The following TMEM132B variants were observed in gnomAD, a reference collection of about 807,000 sequenced individuals.
TMEM132B encodes the protein transmembrane protein 132B.
TMEM132B carries 18 observed loss-of-function variants against 90.8 expected under a neutral mutation model. The observed-to-expected ratio is 0.20, with a 90% CI of 0.14 to 0.29. The LOEUF is 0.29. Among genes scored for constraint, TMEM132B ranks in the 10% least tolerant of loss-of-function variants. The probability of loss-of-function intolerance (pLI) is 1.00; values close to 1 mark genes in which losing one functional copy is unlikely to be tolerated. For missense variants in TMEM132B, 1,096 were observed against 1,326.8 expected (o/e 0.83, Z 2.70); for synonymous variants, 504 against 523.3 (o/e 0.96, Z 0.50).
intron 2 of TMEM132B, among the ~76,000 whole-genome samples, chr12:125,381,389 C>G (rs980299826): frequency 6.6e-6 from 1 of 152,122 alleles, no homozygotes; most frequent in African/African-American, 2.4e-5. Context: ...GATGAAGGGT[C>G]CCTGGGACGT....
intron 2 of TMEM132B, among the ~76,000 whole-genome samples, chr12:125,405,265 A>C (rs1291541854): frequency 1.3e-5 from 2 of 152,140 alleles, no homozygotes; most frequent in African/African-American, 4.8e-5. Flanking sequence ...ATAGAAGCAT[A>C]ACTCCAGCTC....
At position 125,349,712 on chromosome 12, in the gene TMEM132B, T is replaced by C; in HGVS notation, c.328T>C (p.Ser110Pro). Residue 110 changes from serine to proline, a missense_variant, in exon 2 of 9, where the codon TCT becomes CCT. Transcript: ENST00000682704. This position sits in a 1 kb window ranked among gnomAD's most constrained non-coding sequence, Gnocchi z 4.1. ...AATCCCCCAGGAGCTCCTGTTGACA[T>C]CTACAGCCTTTGGAAACATGGACAA... ...KIIPQELLLT[S>P]TAFGNMDKFP... 6.2e-7 allele frequency: 1 copy of C among 1,614,210 alleles called. No homozygotes were observed. The highest frequency in any genetic ancestry group is 8.5e-7 in the Non-Finnish European group (1 of 1,180,042).
chr12:125,246,967 C>G lies in TMEM132B; in HGVS notation c.67+60101C>G, dbSNP rs900826709. Among the ~76,000 whole-genome samples the G allele has an allele frequency of 2.6e-5, 4 of 152,180 alleles. No individual in the cohort carries two copies. Among genetic ancestry groups the G allele is most frequent in the Middle Eastern group, 3.4e-3 (1 of 294 alleles). ...TCAGGATTTTCCACTTAAGTTATTA[C>G]TATTTAAGGCTTGGGATAGTATTTT... On this transcript the variant is annotated intron_variant, in intron 1 of 8. Coordinates refer to ENST00000682704, the MANE Select transcript of TMEM132B (RefSeq NM_001366854.1). The surrounding 1 kb of genome is among the most constrained non-coding windows in gnomAD (Gnocchi z 4.2).
At chr12:125,644,055 G>T (rs568855763) in intron 5 of TMEM132B, 21 bp from the exon 6 acceptor site, 2 of 1,611,002 alleles carry the variant, frequency 1.2e-6, no homozygotes, top group South Asian at 2.2e-5. Context: ...TGCATCTCAA[G>T]GTTCTACCTC....
At chr12:125,284,847 G>A (rs1429716886) in intron 1 of TMEM132B, among the ~76,000 whole-genome samples, 2 of 152,220 alleles carry the variant, frequency 1.3e-5, no homozygotes, top group South Asian at 2.1e-4. Context: ...GACCTGGTCT[G>A]TGAGTCCTGC....
chr12:125,444,566 A>G (rs1195424941), intron 3 of TMEM132B, among the ~76,000 whole-genome samples: 2 of 152,198 alleles, frequency 1.3e-5, no homozygotes, highest in African/African-American at 2.4e-5. Context: ...CCTTAGATGC[A>G]TTCCAAGAAG....
intron 1 of TMEM132B, among the ~76,000 whole-genome samples, chr12:125,243,184 C>T (rs1353226451): frequency 1.3e-5 from 2 of 151,244 alleles, no homozygotes; most frequent in Non-Finnish European, 2.9e-5. Context: ...CACTCTGTCA[C>T]CCAGGCTGGA....
intron 2 of TMEM132B, among the ~76,000 whole-genome samples, chr12:125,357,346 G>C (rs1363167940): frequency 2.0e-5 from 3 of 152,152 alleles, no homozygotes; most frequent in Non-Finnish European, 2.9e-5. Flanking sequence ...TCATACACTG[G>C]CTTTGAGTTT....
intron 1 of TMEM132B, among the ~76,000 whole-genome samples, chr12:125,311,811 CATG>C (rs756630691): frequency 2.6e-5 from 4 of 152,174 alleles, no homozygotes; most frequent in Admixed American, 2.0e-4. Context: ...TTTTCAGTAG[CATG>C]ATATTTCCTT....
intron 3 of TMEM132B, among the ~76,000 whole-genome samples, chr12:125,450,989 GTA>G (rs1229055988): frequency 1.3e-5 from 2 of 152,016 alleles, no homozygotes; most frequent in Non-Finnish European, 2.9e-5. Flanking sequence ...GTGAGGGTGT[GTA>G]TGTGTGTGTG....
intron 4 of TMEM132B, among the ~76,000 whole-genome samples, chr12:125,567,826 G>T (rs1884695517): frequency 6.6e-6 from 1 of 152,140 alleles, no homozygotes. Flanking sequence ...GTTTTTAACA[G>T]GTTACAGTTC....
intron 4 of TMEM132B, among the ~76,000 whole-genome samples, chr12:125,531,494 A>C (rs1372048304): frequency 6.6e-6 from 1 of 152,144 alleles, no homozygotes; most frequent in Non-Finnish European, 1.5e-5. Context: ...TGGCCTGAGA[A>C]TTATTTTTGT....
At chr12:125,616,346 G>A (rs1885986486) in intron 5 of TMEM132B, among the ~76,000 whole-genome samples, 2 of 152,082 alleles carry the variant, frequency 1.3e-5, no homozygotes, top group African/African-American at 4.8e-5. Context: ...AGAAAAAATG[G>A]AGGCTTGGAC....
At chr12:125,431,741 G>T (rs1880515477) in intron 3 of TMEM132B, among the ~76,000 whole-genome samples, 2 of 152,188 alleles carry the variant, frequency 1.3e-5, no homozygotes, top group Admixed American at 1.3e-4. Flanking sequence ...ATGTGGAGGG[G>T]ATCACAGTGA....
intron 4 of TMEM132B, among the ~76,000 whole-genome samples, chr12:125,578,761 G>C (rs969063331): frequency 2.6e-5 from 4 of 152,152 alleles, no homozygotes; most frequent in Non-Finnish European, 4.4e-5. Context: ...CATTGAATGT[G>C]TCATCCTTCT....
At chr12:125,483,259 C>A (rs1555252787) in intron 3 of TMEM132B, among the ~76,000 whole-genome samples, 1 of 151,746 alleles carries the variant, frequency 6.6e-6, no homozygotes, top group Non-Finnish European at 1.5e-5. Context: ...AAAACATTAA[C>A]AATGAATAGT....
intron 5 of TMEM132B, among the ~76,000 whole-genome samples, chr12:125,597,585 A>G (rs1593013101): frequency 1.3e-5 from 2 of 152,206 alleles, no homozygotes; most frequent in South Asian, 4.1e-4. Context: ...TATGTATTCA[A>G]AAATATTAAA....
At chr12:125,471,628 G>A (rs1331081936) in intron 3 of TMEM132B, among the ~76,000 whole-genome samples, 6 of 152,222 alleles carry the variant, frequency 3.9e-5, no homozygotes, top group Non-Finnish European at 7.3e-5. Context: ...GCTCTCAGGA[G>A]TACAGCGCCC....
At chr12:125,481,028 A>G (rs1430584702) in intron 3 of TMEM132B, among the ~76,000 whole-genome samples, 2 of 152,238 alleles carry the variant, frequency 1.3e-5, no homozygotes, top group African/African-American at 4.8e-5. Flanking sequence ...ATCTCAATAG[A>G]CACAGAAAAG....
Sources: allele counts gnomAD v4.1 joint callset (sites outside exome capture counted in the v4.1 genomes callset), GRCh38; gene constraint gnomAD v4.1.1; non-coding constraint Gnocchi (gnomAD v3.1); transcripts MANE v1.5; gene names NCBI Gene and HGNC (gene_info 2026-07-23, HGNC 2026-07-21).